The following FBXL7 variants were observed in gnomAD, a reference collection of about 807,000 sequenced individuals.
The protein encoded by FBXL7 is F-box/LRR-repeat protein 7.
Under a neutral mutation model 38.3 loss-of-function variants are expected in FBXL7, and 12 were observed. The ratio of observed to expected loss-of-function variants is 0.31; its 90% CI spans 0.20 to 0.51. The LOEUF is 0.51. Among genes scored for constraint, FBXL7 ranks in the 20% least tolerant of loss-of-function variants. FBXL7 has a pLI of 0.98. For missense variants in FBXL7, 567 were observed against 676.4 expected (o/e 0.84, Z 1.79); for synonymous variants, 297 against 300.9 (o/e 0.99, Z 0.13).
At chr5:15,814,716 A>G (rs1043880047) in intron 2 of FBXL7, among the ~76,000 whole-genome samples, 12 of 152,224 alleles carry the variant, frequency 7.9e-5, no homozygotes, top group Admixed American at 6.5e-5. Flanking sequence ...TACCAAATTT[A>G]ATAATTCCTT....
At chr5:15,641,434 A>C (rs887624509) in intron 2 of FBXL7, among the ~76,000 whole-genome samples, 1 of 152,132 alleles carries the variant, frequency 6.6e-6, no homozygotes, top group Non-Finnish European at 1.5e-5. Context: ...GTGCATGGAA[A>C]TTCCTCCACA....
chr5:15,595,117 G>C (rs779341875), intron 1 of FBXL7, among the ~76,000 whole-genome samples: 1 of 152,182 alleles, frequency 6.6e-6, no homozygotes, highest in Admixed American at 6.5e-5. Flanking sequence ...CCCAGGGCAT[G>C]TAAGAAGATA....
chr5:15,665,219 A>G (rs571950582), intron 2 of FBXL7, among the ~76,000 whole-genome samples: 2 of 152,116 alleles, frequency 1.3e-5, no homozygotes, highest in South Asian at 4.1e-4. Flanking sequence ...TTCTCCTTCC[A>G]TACCCCCCAA....
chr5:15,556,010 T>TATC (rs1554005550), intron 1 of FBXL7, among the ~76,000 whole-genome samples: 8,349 of 99,440 alleles, frequency 0.084, 244 homozygotes, highest in Middle Eastern at 0.16. Context: ...TCTATCTATC[T>TATC]ATCTATCATC....
In FBXL7 at chr5:15,503,541, C is replaced by A. The variant is rs184067270; in HGVS notation, c.37+2828C>A. Among the ~76,000 whole-genome samples the A allele has an allele frequency of 3.9e-4, 59 of 152,296 alleles. 2 individuals carry two copies. The East Asian group carries it at 4.1e-3, about 10-fold the overall frequency. On this transcript the variant is annotated intron_variant, in intron 1 of 3. Transcript: ENST00000504595. ...AAACTGTGTTTAAATAAGGCAAACGCCAGCCTGTAACCAATCTTGCTGTTT... is the reference window on the plus strand; with the variant it reads ...AAACTGTGTTTAAATAAGGCAAACGACAGCCTGTAACCAATCTTGCTGTTT...
chr5:15,603,227 A>G (rs1429453297), intron 1 of FBXL7, among the ~76,000 whole-genome samples: 1 of 152,172 alleles, frequency 6.6e-6, no homozygotes, highest in Non-Finnish European at 1.5e-5. Flanking sequence ...TTTTAGTGCT[A>G]ACCGTAATCC....
chr5:15,778,612 C>A (rs1736918021), intron 2 of FBXL7, among the ~76,000 whole-genome samples: 1 of 152,114 alleles, frequency 6.6e-6, no homozygotes, highest in South Asian at 2.1e-4. Context: ...TTTCTCATCT[C>A]CATCGTTTTT....
intron 2 of FBXL7, among the ~76,000 whole-genome samples, chr5:15,751,659 A>G (rs1476969166): frequency 6.6e-6 from 1 of 152,228 alleles, no homozygotes; most frequent in Non-Finnish European, 1.5e-5. Context: ...TAGTCAAAGC[A>G]GGTGAAACTT....
chr5:15,644,304 C>CAAAAAAAAAAAAAA (rs369213583), intron 2 of FBXL7, among the ~76,000 whole-genome samples: 2 of 94,806 alleles, frequency 2.1e-5, no homozygotes, highest in Non-Finnish European at 2.1e-5. Flanking sequence ...ACTAAAAATC[C>CAAAAAAAAAAAAAA]AAAAAAAAAA....
At chr5:15,672,679 C>T (rs895414971) in intron 2 of FBXL7, among the ~76,000 whole-genome samples, 12 of 151,816 alleles carry the variant, frequency 7.9e-5, no homozygotes, top group Admixed American at 6.6e-4. Flanking sequence ...CTCAGCCTCC[C>T]AAGTAGCTGA....
chr5:15,712,124 C>T (rs1743893383), intron 2 of FBXL7, among the ~76,000 whole-genome samples: 1 of 152,130 alleles, frequency 6.6e-6, no homozygotes, highest in Non-Finnish European at 1.5e-5. Flanking sequence ...GAGGGGTTAT[C>T]TTTTCATCTG....
intron 1 of FBXL7, among the ~76,000 whole-genome samples, chr5:15,583,787 C>G (rs190037993): frequency 6.6e-6 from 1 of 152,278 alleles, no homozygotes; most frequent in Non-Finnish European, 1.5e-5. Flanking sequence ...TGATGGTCCT[C>G]TTCTCACGGC....
chr5:15,915,282 C>T (rs1253251940), intron 2 of FBXL7, among the ~76,000 whole-genome samples: 2 of 152,226 alleles, frequency 1.3e-5, no homozygotes, highest in African/African-American at 4.8e-5. Flanking sequence ...AGGTGGCATA[C>T]AGCAACAGAA....
chr5:15,563,406 G>A (rs530861615), intron 1 of FBXL7, among the ~76,000 whole-genome samples: 3 of 152,220 alleles, frequency 2.0e-5, no homozygotes, highest in Admixed American at 6.6e-5. Flanking sequence ...TTTTCTGTGC[G>A]AAAGTTCTCT....
At chr5:15,516,451 GGC>G (rs1183328647) in intron 1 of FBXL7, among the ~76,000 whole-genome samples, 1 of 152,128 alleles carries the variant, frequency 6.6e-6, no homozygotes, top group Admixed American at 6.5e-5. Flanking sequence ...GAACTACCAT[GGC>G]AGTTTATTTG....
At chr5:15,513,429 G>C (rs945256472) in intron 1 of FBXL7, among the ~76,000 whole-genome samples, 4 of 152,182 alleles carry the variant, frequency 2.6e-5, no homozygotes, top group African/African-American at 9.7e-5. Flanking sequence ...GAATAAAATA[G>C]CCCAAGATGT....
chr5:15,824,236 C>T (rs897560667), intron 2 of FBXL7, among the ~76,000 whole-genome samples: 4 of 148,544 alleles, frequency 2.7e-5, no homozygotes, highest in South Asian at 2.1e-4. Context: ...GAGGAGGTTG[C>T]AGTGGGCAGA....
chr5:15,864,238 C>CT (rs879548377), intron 2 of FBXL7, among the ~76,000 whole-genome samples: 8 of 147,352 alleles, frequency 5.4e-5, no homozygotes, highest in South Asian at 4.3e-4. Flanking sequence ...ATCAAACAAA[C>CT]TTTTTTTTCA....
At chr5:15,884,194 G>A (rs1016232502) in intron 2 of FBXL7, among the ~76,000 whole-genome samples, 1 of 152,204 alleles carries the variant, frequency 6.6e-6, no homozygotes, top group African/African-American at 2.4e-5. Flanking sequence ...GAGAAAGAGT[G>A]AGCTCCCCTG....
Sources: allele counts gnomAD v4.1 joint callset (sites outside exome capture counted in the v4.1 genomes callset), GRCh38; gene constraint gnomAD v4.1.1; transcripts MANE v1.5; gene names NCBI Gene and HGNC (gene_info 2026-07-23, HGNC 2026-07-21).